Variants in TMEM132E observed in about 807,000 individuals in gnomAD.
TMEM132E encodes transmembrane protein 132E.
TMEM132E carries 49 observed loss-of-function variants against 78.5 expected under a neutral mutation model. That is an observed-to-expected ratio of 0.62 (90% CI 0.50 to 0.79). The LOEUF is 0.79. TMEM132E is among the 30% of genes least tolerant of loss of function. TMEM132E has a pLI of 0.00. For missense variants in TMEM132E, 1,403 were observed against 1,470.9 expected, an observed-to-expected ratio of 0.95 and a Z score of 0.75; for synonymous variants, 715 against 670.6, an observed-to-expected ratio of 1.07 and a Z score of -1.02.
At chr17:34,622,670 A>G (rs1407614703) in intron 1 of TMEM132E, among the ~76,000 whole-genome samples, 1 of 152,196 alleles carries the variant, frequency 6.6e-6, no homozygotes, top group Non-Finnish European at 1.5e-5. Flanking sequence ...ACAGCATCCC[A>G]GTCACTGCCG....
intron 1 of TMEM132E, among the ~76,000 whole-genome samples, chr17:34,610,725 G>T (rs1906562490): frequency 6.6e-6 from 1 of 152,218 alleles, no homozygotes; most frequent in Non-Finnish European, 1.5e-5. Flanking sequence ...AAAGGGAAAA[G>T]TACACACTCA....
intron 1 of TMEM132E, among the ~76,000 whole-genome samples, chr17:34,616,937 C>A (rs754498484): frequency 2.6e-5 from 4 of 152,228 alleles, no homozygotes; most frequent in African/African-American, 4.8e-5. Flanking sequence ...GCTTGGCGAG[C>A]AGAGCCGGGG....
In TMEM132E at chr17:34,638,364, G is replaced by T; in HGVS notation, c.*132G>T. On this transcript the variant is annotated 3_prime_UTR_variant, in exon 9 of 9. Coordinates refer to ENST00000631683, the MANE Select transcript of TMEM132E (RefSeq NM_001304438.2). ...TTGTACTCCCTGCCCCTGCAGCTTG[G>T]CTCCGTGCGGAGCGGGCCGCCTCAG... The T allele has an allele frequency of 9.5e-7, 1 of 1,048,746 alleles. No homozygotes were observed. The highest frequency in any genetic ancestry group is 1.3e-6 in the Non-Finnish European group (1 of 748,676). 65.0% of individuals were successfully genotyped at this position (1,048,746 alleles called of 1,614,324 possible).
chr17:34,630,666 C>G (rs1339031487), intron 5 of TMEM132E, among the ~76,000 whole-genome samples: 1 of 152,146 alleles, frequency 6.6e-6, no homozygotes, highest in African/African-American at 2.4e-5. Flanking sequence ...CAGGAAGAAG[C>G]CTCAAGAAAC....
At chr17:34,588,584 A>G (rs1905757867) in intron 1 of TMEM132E, among the ~76,000 whole-genome samples, 1 of 152,198 alleles carries the variant, frequency 6.6e-6, no homozygotes, top group Admixed American at 6.5e-5. Flanking sequence ...AGCGCACACA[A>G]CAAAAATCCC....
intron 1 of TMEM132E, among the ~76,000 whole-genome samples, chr17:34,602,376 T>C (rs1316515056): frequency 6.6e-6 from 1 of 152,186 alleles, no homozygotes; most frequent in African/African-American, 2.4e-5. Context: ...CCTTCACTTC[T>C]CTGGGCCTCA....
chr17:34,610,640 C>T (rs778884225), intron 1 of TMEM132E, among the ~76,000 whole-genome samples: 26 of 152,104 alleles, frequency 1.7e-4, no homozygotes, highest in Non-Finnish European at 3.2e-4. Flanking sequence ...CAGCTGGTGT[C>T]GAGGCTCTTG....
At chr17:34,585,779 C>T (rs77211925) in intron 1 of TMEM132E, among the ~76,000 whole-genome samples, 1,706 of 152,308 alleles carry the variant, frequency 0.011, 16 homozygotes, top group Admixed American at 0.016. Context: ...TAAACCTTAC[C>T]AAGTGCTATG....
intron 1 of TMEM132E, among the ~76,000 whole-genome samples, chr17:34,591,330 AG>A (rs1468010913): frequency 1.3e-5 from 2 of 149,744 alleles, no homozygotes; most frequent in Non-Finnish European, 3.0e-5. Flanking sequence ...TGAAAGACAA[AG>A]TCTTGCTCTG....
At chr17:34,591,720 C>A (rs1001209427) in intron 1 of TMEM132E, among the ~76,000 whole-genome samples, 3 of 152,222 alleles carry the variant, frequency 2.0e-5, no homozygotes, top group African/African-American at 7.2e-5. Context: ...AGCATTTGGG[C>A]CCCAGGAAGG....
chr17:34,628,905 T>C, intron 3 of TMEM132E, 107 bp from the exon 4 acceptor site: 1 of 1,415,904 alleles, frequency 7.1e-7, no homozygotes, highest in Non-Finnish European at 9.5e-7. Context: ...GAGGGCCCCA[T>C]CAGGCAGCTG....
chr17:34,636,304 G>A (rs1007550015), intron 8 of TMEM132E, 106 bp downstream of exon 8: 31 of 1,135,618 alleles, frequency 2.7e-5, no homozygotes, highest in Non-Finnish European at 3.4e-5. Context: ...AGGGCTTTAG[G>A]AAATGGAGGA....
intron 1 of TMEM132E, among the ~76,000 whole-genome samples, chr17:34,585,946 C>A (rs1192548310): frequency 6.6e-6 from 1 of 152,224 alleles, no homozygotes; most frequent in Non-Finnish European, 1.5e-5. Context: ...CAAACCCTGA[C>A]TTTGTCATCA....
At chr17:34,581,204 G>T in intron 1 of TMEM132E, 61 bp downstream of exon 1, 3 of 1,405,424 alleles carry the variant, frequency 2.1e-6, no homozygotes, top group Non-Finnish European at 2.8e-6. Context: ...AGGGGGTACG[G>T]GGAAGACTGG....
chr17:34,630,377 G>A (rs1036073059), intron 5 of TMEM132E, among the ~76,000 whole-genome samples: 1 of 152,154 alleles, frequency 6.6e-6, no homozygotes, highest in Non-Finnish European at 1.5e-5. Flanking sequence ...TGAAAGGGTT[G>A]ATTCTCAAGT....
At chr17:34,615,310 A>G (rs539652304) in intron 1 of TMEM132E, among the ~76,000 whole-genome samples, 2 of 151,752 alleles carry the variant, frequency 1.3e-5, no homozygotes, top group Non-Finnish European at 2.9e-5. Flanking sequence ...TCATTCACCA[A>G]TCTGTAGTTT....
intron 8 of TMEM132E, among the ~76,000 whole-genome samples, chr17:34,636,788 C>T (rs554515527): frequency 1.3e-5 from 2 of 152,290 alleles, no homozygotes; most frequent in East Asian, 3.9e-4. Context: ...TTCTCAACAG[C>T]CTGTTGTCTG....
At chr17:34,625,890 C>T (rs994111898) in intron 1 of TMEM132E, among the ~76,000 whole-genome samples, 7 of 152,196 alleles carry the variant, frequency 4.6e-5, no homozygotes, top group African/African-American at 1.2e-4. Flanking sequence ...ATAAATGAAG[C>T]GGTGGGTGAG....
chr17:34,634,516 G>T (rs1300175554), intron 6 of TMEM132E, among the ~76,000 whole-genome samples: 1 of 152,254 alleles, frequency 6.6e-6, no homozygotes, highest in Non-Finnish European at 1.5e-5. Context: ...AGAGGCAGCA[G>T]TTGCTGTTAG....
Sources: allele counts gnomAD v4.1 joint callset (sites outside exome capture counted in the v4.1 genomes callset), GRCh38; gene constraint gnomAD v4.1.1; transcripts MANE v1.5; gene names NCBI Gene and HGNC (gene_info 2026-07-23, HGNC 2026-07-21).